Variants in ZNF185 observed in about 807,000 individuals in gnomAD.
The protein encoded by ZNF185 is zinc finger protein 185 with LIM domain.
In ZNF185, 56 loss-of-function variants were observed where a neutral mutation model predicts 58.6. That is an observed-to-expected ratio of 0.95 (90% CI 0.77 to 1.19). The LOEUF is 1.19. Ranked by LOEUF, ZNF185 falls within the 50% of genes most tolerant of loss-of-function variation. ZNF185 has a pLI of 0.00. For synonymous variants in ZNF185, 230 were observed against 215.9 expected, an observed-to-expected ratio of 1.07 and a Z score of -0.57; for missense variants, 627 against 573.5, an observed-to-expected ratio of 1.09 and a Z score of -0.95.
At chrX:152,903,423 A>AG in the ZNF185 span, among the ~76,000 whole-genome samples, 1 of 99,706 alleles carries the variant, frequency 1.0e-5, no homozygotes, top group Non-Finnish European at 2.0e-5. Flanking sequence ...AAAGAAAAGG[A>AG]AAAAAAAGAA....
rs998151383 is a variant in ZNF185 at position 152,965,676 on chromosome X, G to A, written c.1799+149G>A. 8.6e-6 allele frequency: 4 copies of A among 462,701 alleles called. No individual in the cohort carries two copies. In the African/African-American group the frequency reaches 9.7e-5, roughly 11 times the overall value. 38.1% of individuals were successfully genotyped at this position (462,701 alleles called of 1,213,427 possible). On this transcript the variant is annotated intron_variant, in intron 19 of 22. Coordinates refer to ENST00000449285, the Ensembl canonical transcript of ZNF185. Reference sequence around the variant, plus strand: ...TGGATGAGTGATGTAGTTGCCCTCTGATGGGATTGATGCATTTTCTACTGA... The same window carrying A: ...TGGATGAGTGATGTAGTTGCCCTCTAATGGGATTGATGCATTTTCTACTGA...
At chrX:152,941,792 C>G (rs1556889981) in intron 15 of ZNF185, 2 of 1,163,877 alleles carry the variant, frequency 1.7e-6, no homozygotes, top group East Asian at 6.6e-5. Flanking sequence ...GCCCGAGGAT[C>G]ACGAATGGGC....
chrX:152,922,907 G>A, intron 11 of ZNF185, 98 bp downstream of exon 12: 1 of 758,225 alleles, frequency 1.3e-6, no homozygotes, highest in Non-Finnish European at 1.9e-6. Flanking sequence ...TCTGGCAGTG[G>A]GGTGATGGGG....
chrX:152,953,053 A>G (rs2048453341), intron 16 of ZNF185, among the ~76,000 whole-genome samples: 1 of 110,665 alleles, frequency 9.0e-6, no homozygotes, highest in Non-Finnish European at 1.9e-5. Flanking sequence ...TGGGAGCCAA[A>G]GTTTCTCTTC....
At chrX:152,966,059 G>A (rs2050078340) in intron 19 of ZNF185, among the ~76,000 whole-genome samples, 1 of 109,591 alleles carries the variant, frequency 9.1e-6, no homozygotes, top group Non-Finnish European at 1.9e-5. Flanking sequence ...CCAGGCTGGA[G>A]TGCAGTGGCG....
chrX:152,959,885 C>T (rs2049287595), exon 17 of ZNF185: 1 of 1,209,919 alleles, frequency 8.3e-7, no homozygotes, highest in Non-Finnish European at 1.1e-6. Context: ...GACGAGAGAG[C>T]TGCACCAGCA....
intron 6 of ZNF185, among the ~76,000 whole-genome samples, chrX:152,918,475 C>A (rs1347726402): frequency 8.8e-6 from 1 of 113,182 alleles, no homozygotes; most frequent in East Asian, 2.8e-4. Flanking sequence ...GCTTCCTGGG[C>A]TTGGCCCTGC....
In ZNF185 at chrX:152,915,153, C is replaced by CAGTT. The variant is rs1938168143; in HGVS notation, c.174_175insAGTT (p.Arg59SerfsTer18). The CAGTT allele has an allele frequency of 8.3e-7, 1 of 1,208,790 alleles. No homozygotes were observed. Among genetic ancestry groups the CAGTT allele is most frequent in the Admixed American group, 2.2e-5 (1 of 45,797 alleles). On this transcript the variant is annotated frameshift_variant, in exon 3 of 23. Transcript: ENST00000449285. LOFTEE classifies it high-confidence loss of function. ...TTTCCCCCAGAGAGCTGCCCTCAGG[C>CAGTT]CGGAGTCGCGCCACATCCTTTTCAT...
chrX:152,907,803 G>A, the ZNF185 span, among the ~76,000 whole-genome samples: 4 of 113,055 alleles, frequency 3.5e-5, no homozygotes, highest in Non-Finnish European at 7.5e-5. Flanking sequence ...TTCATGCAGA[G>A]GGTGTCAGAA....
exon 15 of ZNF185, chrX:152,938,154 A>C: frequency 8.5e-7 from 1 of 1,182,442 alleles, no homozygotes; most frequent in African/African-American, 1.8e-5. Context: ...GCAAAGGCAG[A>C]CCCAAAGGGG....
chrX:152,905,717 G>A, the ZNF185 span, among the ~76,000 whole-genome samples: 3 of 108,727 alleles, frequency 2.8e-5, no homozygotes, highest in Non-Finnish European at 5.7e-5. Flanking sequence ...CAGGCTTGGG[G>A]GGGGGGCGGG....
At chrX:152,947,097 C>T (rs921335987) in intron 16 of ZNF185, among the ~76,000 whole-genome samples, 1 of 112,031 alleles carries the variant, frequency 8.9e-6, no homozygotes, top group Non-Finnish European at 1.9e-5. Flanking sequence ...AAGGTAAAAG[C>T]GGGCTTGGCG....
At chrX:152,920,918 C>A (rs1172688708) in intron 9 of ZNF185, among the ~76,000 whole-genome samples, 170 bp downstream of exon 10, 3 of 112,577 alleles carry the variant, frequency 2.7e-5, no homozygotes, top group Non-Finnish European at 5.6e-5. Context: ...GGAGGCCTGG[C>A]AAGCACCTGG....
intron 14 of ZNF185, among the ~76,000 whole-genome samples, chrX:152,936,734 C>A (rs925327942): frequency 9.1e-6 from 1 of 110,496 alleles, no homozygotes; most frequent in Non-Finnish European, 1.9e-5. Context: ...CCAGAGAGCC[C>A]AGCACCAACC....
intron 11 of ZNF185, among the ~76,000 whole-genome samples, chrX:152,923,546 A>G (rs1469726729): frequency 8.9e-6 from 1 of 112,399 alleles, no homozygotes; most frequent in Non-Finnish European, 1.9e-5. Context: ...TTACAAGGCA[A>G]TATCTAGGGC....
At chrX:152,911,224 G>C (rs1290000256), upstream of ZNF185, among the ~76,000 whole-genome samples, 1 of 112,102 alleles carries the variant, frequency 8.9e-6, no homozygotes, top group Non-Finnish European at 1.9e-5. Context: ...GAAGTTGGAA[G>C]GGCATTTCAG....
At chrX:152,922,173 G>C in exon 10 of ZNF185, 1 of 1,193,432 alleles carries the variant, frequency 8.4e-7, no homozygotes, top group Non-Finnish European at 1.1e-6. Flanking sequence ...TTGCTCAAAG[G>C]GTGGAGGTGG....
chrX:152,964,036 C>T (rs1257924565), intron 18 of ZNF185, 87 bp downstream of exon 20: 9 of 933,451 alleles, frequency 9.6e-6, no homozygotes, highest in Non-Finnish European at 1.4e-5. Flanking sequence ...TTCCATGTTG[C>T]TTCCCATTTA....
In ZNF185 at chrX:152,938,054, G is replaced by A; in HGVS notation, c.1122-20G>A. 1 of 1,167,863 alleles carries A rather than the reference G, an allele frequency of 8.6e-7. No individual in the cohort carries two copies. Among genetic ancestry groups the A allele is most frequent in the Non-Finnish European group, 1.1e-6 (1 of 872,167 alleles). On this transcript the variant is annotated intron_variant, in intron 14 of 22. Transcript: ENST00000449285. ...CTTCTTTGGTCTGAGATCTCAGCAG[G>A]CCTGTGTTTCCTTCCTCAGCTCCAG...
Sources: allele counts gnomAD v4.1 joint callset (sites outside exome capture counted in the v4.1 genomes callset), GRCh38; gene constraint gnomAD v4.1.1; transcripts MANE v1.5; gene names NCBI Gene and HGNC (gene_info 2026-07-23, HGNC 2026-07-21).